SLIT3: variants seen among roughly 807,000 people sequenced by gnomAD.
The protein encoded by SLIT3 is slit guidance ligand 3, also known as slit homolog 3 protein.
A neutral mutation model predicts 184.0 loss-of-function variants in SLIT3; 68 were observed. The ratio of observed to expected loss-of-function variants is 0.37; its 90% CI spans 0.30 to 0.45. The LOEUF is 0.45. Among genes scored for constraint, SLIT3 ranks in the 20% least tolerant of loss-of-function variants. SLIT3 has a pLI of 1.00. For synonymous variants in SLIT3, 831 were observed against 828.6 expected, an observed-to-expected ratio of 1.00 and a Z score of -0.05; for missense variants, 1,707 against 2,026.0, an observed-to-expected ratio of 0.84 and a Z score of 3.02.
At chr5:168,720,795 C>A (rs1180246872) in intron 23 of SLIT3, 3 of 152,250 alleles carry the variant, frequency 2.0e-5, no homozygotes, top group Non-Finnish European at 4.4e-5. Flanking sequence ...TTTTTAATAA[C>A]AGCGCAGATG....
At chr5:168,851,649 G>A (rs1296656417) in intron 5 of SLIT3, among the ~76,000 whole-genome samples, 1 of 152,014 alleles carries the variant, frequency 6.6e-6, no homozygotes, top group African/African-American at 2.4e-5. Flanking sequence ...TTTATACCTC[G>A]GTGGCCCAAC....
intron 4 of SLIT3, among the ~76,000 whole-genome samples, chr5:169,071,780 T>C (rs1758557536): frequency 6.6e-6 from 1 of 152,188 alleles, no homozygotes; most frequent in African/African-American, 2.4e-5. Flanking sequence ...CTGCTTGGCC[T>C]CTTGTTCAGG....
At chr5:169,236,803 T>C (rs1445078201) in intron 3 of SLIT3, among the ~76,000 whole-genome samples, 1 of 152,224 alleles carries the variant, frequency 6.6e-6, no homozygotes, top group Non-Finnish European at 1.5e-5. Flanking sequence ...TATTAATTCA[T>C]ATAAATACAT....
intron 5 of SLIT3, among the ~76,000 whole-genome samples, chr5:168,860,339 T>C (rs1274604639): frequency 6.6e-6 from 1 of 152,112 alleles, no homozygotes; most frequent in Admixed American, 6.5e-5. Flanking sequence ...GTGATTAAAT[T>C]GTATCTTTAA....
At chr5:168,844,803 A>G in intron 5 of SLIT3, 148 bp from the exon 6 acceptor site, 1 of 638,604 alleles carries the variant, frequency 1.6e-6, no homozygotes, top group Non-Finnish European at 2.8e-6. Context: ...CCTGTCTGCC[A>G]CGCTGCTCCG....
chr5:169,299,386 A>T (rs896964730), intron 1 of SLIT3, among the ~76,000 whole-genome samples: 6 of 152,180 alleles, frequency 3.9e-5, no homozygotes, highest in Non-Finnish European at 8.8e-5. Flanking sequence ...GCTTGTCATC[A>T]CTACTCTCTT....
chr5:169,050,549 G>A (rs1757779300), intron 4 of SLIT3, among the ~76,000 whole-genome samples: 1 of 152,182 alleles, frequency 6.6e-6, no homozygotes, highest in African/African-American at 2.4e-5. Flanking sequence ...CCCTGAGCTA[G>A]GTTATTGGAA....
intron 29 of SLIT3, among the ~76,000 whole-genome samples, chr5:168,689,335 T>G (rs1346131075): frequency 6.6e-6 from 1 of 152,236 alleles, no homozygotes; most frequent in Non-Finnish European, 1.5e-5. Flanking sequence ...TAGTTAAATT[T>G]TATGCATTTT....
At chr5:169,284,929 G>A (rs1736586482) in intron 1 of SLIT3, among the ~76,000 whole-genome samples, 2 of 151,108 alleles carry the variant, frequency 1.3e-5, no homozygotes, top group Non-Finnish European at 2.9e-5. Flanking sequence ...TTTTTTCTTG[G>A]AGACAGGGTC....
At chr5:169,048,972 A>G (rs1314741641) in intron 4 of SLIT3, among the ~76,000 whole-genome samples, 5 of 152,330 alleles carry the variant, frequency 3.3e-5, no homozygotes, top group African/African-American at 9.6e-5. Context: ...TGACGCCACA[A>G]CCAGCATAGT....
intron 3 of SLIT3, among the ~76,000 whole-genome samples, chr5:169,194,901 C>T (rs755991458): frequency 7.2e-5 from 11 of 152,162 alleles, no homozygotes; most frequent in African/African-American, 1.4e-4. Flanking sequence ...CCAAGAGAGA[C>T]GCCCTGCTGC....
chr5:169,245,334 C>T (rs1219169987), intron 2 of SLIT3, among the ~76,000 whole-genome samples: 2 of 152,126 alleles, frequency 1.3e-5, no homozygotes, highest in Admixed American at 6.5e-5. Flanking sequence ...TCCAGCCACA[C>T]GCTTCACTCA....
intron 4 of SLIT3, chr5:169,036,206 T>C (rs182750890): frequency 6.6e-6 from 1 of 152,198 alleles, no homozygotes; most frequent in Non-Finnish European, 1.5e-5. Context: ...AAGCTCCAAA[T>C]AGAGGGAAGG....
chr5:168,921,347 A>T (rs1290131966), intron 4 of SLIT3, among the ~76,000 whole-genome samples: 1 of 152,202 alleles, frequency 6.6e-6, no homozygotes, highest in Non-Finnish European at 1.5e-5. Context: ...CAAAATGAAG[A>T]GGGCAATTTT....
rs758437974 is a variant in SLIT3, at chr5:168,710,971, G to A, written c.2643C>T (p.Ile881=). 39 of 1,566,942 alleles carry A rather than the reference G, an allele frequency of 2.5e-5. No individual in the cohort carries two copies. The highest frequency in any genetic ancestry group is 1.6e-4 in the African/African-American group (12 of 74,086). ...TGGGCTCAGGGCTACTGCAGCGGGC[G>A]ATGCCAGGCTCCTTGTACCCCGCCT... ...WVKAGYKEPG[I]ARCSSPEPMA... is the part of the protein sequence containing the mutation. Residue 881 remains isoleucine, a synonymous_variant, in exon 25 of 36, where the codon ATC becomes ATT. Coordinates refer to ENST00000519560, the MANE Select transcript of SLIT3 (RefSeq NM_003062.4).
chr5:168,772,756 G>A lies in SLIT3; in HGVS notation c.1459+25C>T, dbSNP rs372488734. 7 of 1,613,580 alleles carry A rather than the reference G, an allele frequency of 4.3e-6. No individual in the cohort carries two copies. In the African/African-American group the frequency reaches 9.3e-5, roughly 22 times the overall value. The stretch of plus-strand genomic sequence containing the variant: ...CTGCTGCATTCTGAGTCAGAAAGCG[G>A]GGCCCAGCCCCGTAACCTGATTACC... On this transcript the variant is annotated intron_variant, in intron 14 of 35. Coordinates refer to ENST00000519560, the MANE Select transcript of SLIT3 (RefSeq NM_003062.4).
At chr5:168,931,995 A>T (rs1051077179) in intron 4 of SLIT3, among the ~76,000 whole-genome samples, 2 of 152,082 alleles carry the variant, frequency 1.3e-5, no homozygotes, top group East Asian at 3.9e-4. Context: ...TCTGTAGTGA[A>T]CCCTGACTCT....
chr5:169,012,613 C>G (rs182375848), intron 4 of SLIT3: 1 of 152,362 alleles, frequency 6.6e-6, no homozygotes, highest in East Asian at 1.9e-4. Flanking sequence ...CTCCTTCTGA[C>G]CTCTTCTCAA....
chr5:168,780,958 C>T (rs935052439), intron 12 of SLIT3, among the ~76,000 whole-genome samples: 5 of 152,198 alleles, frequency 3.3e-5, no homozygotes, highest in East Asian at 1.9e-4. Context: ...CTGTAGGCCA[C>T]GTCTTGCTAA....
Sources: allele counts gnomAD v4.1 joint callset (sites outside exome capture counted in the v4.1 genomes callset), GRCh38; gene constraint gnomAD v4.1.1; transcripts MANE v1.5; gene names NCBI Gene and HGNC (gene_info 2026-07-23, HGNC 2026-07-21).